RAB1A: variants seen among roughly 807,000 people sequenced by gnomAD.
RAB1A encodes the protein ras-related protein Rab-1A.
In RAB1A, 2 loss-of-function variants were observed where a neutral mutation model predicts 26.0. That is an observed-to-expected ratio of 0.08 (90% CI 0.03 to 0.24). The LOEUF (loss-of-function observed/expected upper bound fraction) is 0.24. RAB1A is among the 10% of genes least tolerant of loss of function. The pLI is 1.00. For synonymous variants in RAB1A, 84 were observed against 84.9 expected, an observed-to-expected ratio of 0.99 and a Z score of 0.06; for missense variants, 100 against 247.0, an observed-to-expected ratio of 0.40 and a Z score of 3.99.
intron 1 of RAB1A, among the ~76,000 whole-genome samples, chr2:65,106,879 T>C (rs182838843): frequency 2.0e-5 from 3 of 152,066 alleles, no homozygotes; most frequent in African/African-American, 7.2e-5. Flanking sequence ...TATTCTTCTT[T>C]CTTTTTTTGA....
rs200784776 is a variant in RAB1A at position 65,102,907 on chromosome 2, C to A, written c.96+1827G>T. 2.8e-5 allele frequency among the ~76,000 whole-genome samples: 4 copies of A among 144,258 alleles called. No individual in the cohort carries two copies. The East Asian group carries it at 6.0e-4, about 22-fold the overall frequency. The allele number at this position is 144,258 out of a possible 152,430, so 94.6% of individuals were successfully genotyped here. A position where few individuals can be genotyped will look rare whatever the true frequency, so the allele number is the denominator to read the frequency against. On this transcript the variant is annotated intron_variant, in intron 2 of 5. Coordinates refer to ENST00000409784, the MANE Select transcript of RAB1A (RefSeq NM_004161.5). ...TGCCACTGCACTCCAGCCTGGGCAA[C>A]AAAGCAATATTCCATCTCAAAAAAA...
At chr2:65,099,979 CAT>C in intron 2 of RAB1A, among the ~76,000 whole-genome samples, 1 of 151,778 alleles carries the variant, frequency 6.6e-6, no homozygotes, top group South Asian at 2.1e-4. Flanking sequence ...AAGTCAATGA[CAT>C]AAAAAATATA....
At chr2:65,125,147 G>C (rs1670068045) in intron 1 of RAB1A, among the ~76,000 whole-genome samples, 1 of 151,588 alleles carries the variant, frequency 6.6e-6, no homozygotes. Context: ...CTGGAGCCAT[G>C]ATATACTTAA....
At chr2:65,091,441 G>C (rs1261837410) in intron 3 of RAB1A, among the ~76,000 whole-genome samples, 5 of 152,154 alleles carry the variant, frequency 3.3e-5, no homozygotes, top group Non-Finnish European at 7.3e-5. Flanking sequence ...TCACTTGCTA[G>C]CACATTCTAC....
In RAB1A at chr2:65,088,352, C is replaced by G. The variant is rs1315966384; in HGVS notation, c.*141G>C. ...GAATAAAAAAAAAGTCAGTATTGAC[C>G]ATTTACAATCTCTGACCTTTGTGGA... On this transcript the variant is annotated 3_prime_UTR_variant, in exon 6 of 6. Transcript: ENST00000409784. 6.6e-5 allele frequency: 44 copies of G among 670,576 alleles called. No individual in the cohort carries two copies. Among genetic ancestry groups the G allele is most frequent in the Admixed American group, 2.4e-4 (7 of 29,382 alleles). The allele number at this position is 670,576 out of a possible 1,614,324, so 41.5% of individuals were successfully genotyped here.
At chr2:65,128,407 C>T in intron 1 of RAB1A, among the ~76,000 whole-genome samples, 1 of 152,114 alleles carries the variant, frequency 6.6e-6, no homozygotes, top group Non-Finnish European at 1.5e-5. Context: ...AATTAAGAAC[C>T]TCAAGTTCAC....
chr2:65,124,907 T>C (rs181420604), intron 1 of RAB1A, among the ~76,000 whole-genome samples: 4 of 152,314 alleles, frequency 2.6e-5, no homozygotes, highest in Admixed American at 1.3e-4. Context: ...AAAAATCATA[T>C]TCTGGACAAT....
chr2:65,122,948 G>A (rs1670001733), intron 1 of RAB1A, among the ~76,000 whole-genome samples: 1 of 131,132 alleles, frequency 7.6e-6, no homozygotes, highest in African/African-American at 2.9e-5. Flanking sequence ...TCCAGCCTGG[G>A]CAACAGAACA....
intron 3 of RAB1A, among the ~76,000 whole-genome samples, chr2:65,095,486 A>T (rs1321422646): frequency 2.7e-5 from 4 of 149,250 alleles, no homozygotes; most frequent in Non-Finnish European, 4.4e-5. Context: ...GGGAGCTAGG[A>T]CTACAGGCAT....
intron 1 of RAB1A, among the ~76,000 whole-genome samples, chr2:65,106,160 A>T (rs1280365848): frequency 6.6e-6 from 1 of 152,056 alleles, no homozygotes; most frequent in African/African-American, 2.4e-5. Context: ...ATTATTATTC[A>T]CCCACAGTCT....
intron 3 of RAB1A, among the ~76,000 whole-genome samples, chr2:65,093,202 C>T (rs970210382): frequency 6.6e-6 from 1 of 152,198 alleles, no homozygotes; most frequent in Non-Finnish European, 1.5e-5. Context: ...ACAGTACTAA[C>T]AATACTTTCC....
In RAB1A at chr2:65,121,535, T is replaced by G. The variant is rs533885173; in HGVS notation, c.23+8358A>C. Reference sequence around the variant, plus strand: ...TTTCCTACTTCTTCTGTACCCTATCTCTCACATGTTTCAGTCAGCCAACAA... The same window carrying G: ...TTTCCTACTTCTTCTGTACCCTATCGCTCACATGTTTCAGTCAGCCAACAA... On this transcript the variant is annotated intron_variant, in intron 1 of 5. Transcript: ENST00000409784. 1.4e-4 allele frequency among the ~76,000 whole-genome samples: 22 copies of G among 152,238 alleles called. No homozygotes were observed. In the South Asian group the frequency reaches 3.7e-3, roughly 26 times the overall value.
At chr2:65,109,165 T>A (rs1207999060) in intron 1 of RAB1A, among the ~76,000 whole-genome samples, 1 of 152,232 alleles carries the variant, frequency 6.6e-6, no homozygotes, top group Non-Finnish European at 1.5e-5. Context: ...GAGTTTGCTT[T>A]AAAACGTTTT....
chr2:65,129,813 T>G, intron 1 of RAB1A, 80 bp downstream of exon 1: 1 of 1,550,546 alleles, frequency 6.4e-7, no homozygotes, highest in Non-Finnish European at 8.7e-7. Context: ...CCCCGACTTC[T>G]GCCCCAACCC....
chr2:65,100,209 G>A (rs1669387507), intron 2 of RAB1A, among the ~76,000 whole-genome samples: 1 of 151,286 alleles, frequency 6.6e-6, no homozygotes, highest in Admixed American at 6.6e-5. Flanking sequence ...AGATCAGCCT[G>A]GCCAAGATGG....
chr2:65,095,064 G>A (rs538516469), intron 3 of RAB1A, among the ~76,000 whole-genome samples: 1 of 152,288 alleles, frequency 6.6e-6, no homozygotes, highest in Admixed American at 6.5e-5. Context: ...AAAGAATCAT[G>A]TAGTGAGCTG....
intron 1 of RAB1A, 38 bp downstream of exon 1, chr2:65,129,854 GC>G: frequency 6.3e-7 from 1 of 1,583,122 alleles, no homozygotes; most frequent in South Asian, 1.2e-5. Context: ...CCCCAAGCTG[GC>G]CCACGGACCC....
At chr2:65,089,435 C>T (rs1294463338) in intron 4 of RAB1A, among the ~76,000 whole-genome samples, 5 of 151,904 alleles carry the variant, frequency 3.3e-5, no homozygotes, top group East Asian at 1.9e-4. Flanking sequence ...AGGCTGGTCT[C>T]GAACTCCTGA....
chr2:65,120,592 T>TA (rs1260850697), intron 1 of RAB1A, among the ~76,000 whole-genome samples: 1 of 152,046 alleles, frequency 6.6e-6, no homozygotes, highest in African/African-American at 2.4e-5. Flanking sequence ...TTCAATCTCC[T>TA]AAATCAAGTA....
Sources: allele counts gnomAD v4.1 joint callset (sites outside exome capture counted in the v4.1 genomes callset), GRCh38; gene constraint gnomAD v4.1.1; transcripts MANE v1.5; gene names NCBI Gene and HGNC (gene_info 2026-07-23, HGNC 2026-07-21).